TBC1D19: variants seen among roughly 807,000 people sequenced by gnomAD.
The protein encoded by TBC1D19 is TBC1 domain family, member 19.
A neutral mutation model predicts 89.0 loss-of-function variants in TBC1D19; 60 were observed. The ratio of observed to expected loss-of-function variants is 0.67; its 90% confidence interval spans 0.55 to 0.84. The LOEUF is 0.84. Among genes scored for constraint, TBC1D19 ranks in the 40% least tolerant of loss-of-function variants. TBC1D19 has a pLI of 0.00. For synonymous variants in TBC1D19, 189 were observed against 199.7 expected, an observed-to-expected ratio of 0.95 and a Z score of 0.45; for missense variants, 500 against 610.8, an observed-to-expected ratio of 0.82 and a Z score of 1.91.
At chr4:26,692,363 G>A (rs371298160) in intron 13 of TBC1D19, among the ~76,000 whole-genome samples, 17 of 152,250 alleles carry the variant, frequency 1.1e-4, no homozygotes, top group South Asian at 4.1e-4. Flanking sequence ...AAAATACTAG[G>A]GCCTCAACGG....
intron 11 of TBC1D19, among the ~76,000 whole-genome samples, chr4:26,680,437 T>C (rs1350457569): frequency 1.3e-5 from 2 of 152,214 alleles, no homozygotes; most frequent in Admixed American, 6.5e-5. Context: ...CTCAAGTCTT[T>C]TCTATCTTAG....
Position 26,584,136 on chromosome 4 carries a change from C to G in TBC1D19, c.-58C>G. On this transcript the variant is annotated 5_prime_UTR_variant, in exon 1 of 21. Transcript: ENST00000264866. ...ACTGGCCCTGAGTGGGACCCGGTAGCCCGTTCGCTCCGCGCCGGCGGCCTG... is the reference window on the plus strand; with the variant it reads ...ACTGGCCCTGAGTGGGACCCGGTAGGCCGTTCGCTCCGCGCCGGCGGCCTG... The G allele has an allele frequency of 6.4e-7, 1 of 1,552,678 alleles. No homozygotes were observed. The highest frequency in any genetic ancestry group is 1.3e-5 in the African/African-American group (1 of 74,174).
chr4:26,731,321 T>C (rs1198413690), intron 15 of TBC1D19, among the ~76,000 whole-genome samples: 2 of 152,052 alleles, frequency 1.3e-5, no homozygotes, highest in African/African-American at 4.8e-5. Context: ...ACCCAGAGGC[T>C]GAAGGGGTGG....
rs1443346725 is a variant in TBC1D19 at position 26,626,729 on chromosome 4, T to C, written c.294+6041T>C. Among the ~76,000 whole-genome samples, 3 of 152,040 alleles carry C rather than the reference T, an allele frequency of 2.0e-5. No individual in the cohort carries two copies. The East Asian group carries it at 5.8e-4, about 29-fold the overall frequency. On this transcript the variant is annotated intron_variant, in intron 4 of 20. Coordinates refer to ENST00000264866, the MANE Select transcript of TBC1D19 (RefSeq NM_018317.4). ...TTTGTTAATTTTGCATTACTTCAGT[T>C]CTCACCCTCTTCCTAATGGTCTTTT... is the stretch of plus-strand genomic sequence containing the variant.
chr4:26,577,356 G>A (rs906159450), intron 1 of TBC1D19, among the ~76,000 whole-genome samples: 1 of 151,734 alleles, frequency 6.6e-6, no homozygotes, highest in Non-Finnish European at 1.5e-5. Context: ...ACTCCTCTTG[G>A]GAACTTTGAG....
the TBC1D19 span, among the ~76,000 whole-genome samples, chr4:26,827,502 G>C: frequency 2.0e-5 from 3 of 152,146 alleles, no homozygotes; most frequent in African/African-American, 7.2e-5. Flanking sequence ...TACGCAGGAG[G>C]CTGAGGCATG....
At chr4:26,580,229 A>G (rs1739039855), upstream of TBC1D19, among the ~76,000 whole-genome samples, 2 of 152,148 alleles carry the variant, frequency 1.3e-5, 1 homozygote, top group South Asian at 4.1e-4. Flanking sequence ...AAGAGGTATG[A>G]CTGCCATTGT....
chr4:26,755,184 T>C lies in TBC1D19; in HGVS notation c.*237T>C, dbSNP rs1210833793. ...AGCAATAAACACAACTTCTGCTAAA[T>C]TGAGCATTATATATATAATATTATA... is the stretch of plus-strand genomic sequence containing the variant. On this transcript the variant is annotated 3_prime_UTR_variant, in exon 21 of 21. Coordinates refer to ENST00000264866, the MANE Select transcript of TBC1D19 (RefSeq NM_018317.4). 3 of 186,164 alleles carry C rather than the reference T, an allele frequency of 1.6e-5. No individual in the cohort carries two copies. Among genetic ancestry groups the C allele is most frequent in the African/African-American group, 2.4e-5 (1 of 42,114 alleles). The allele number at this position is 186,164 out of a possible 1,614,324, so 11.5% of individuals were successfully genotyped here.
intron 1 of TBC1D19, among the ~76,000 whole-genome samples, chr4:26,612,684 A>G (rs1741455024): frequency 6.6e-6 from 1 of 152,136 alleles, no homozygotes; most frequent in African/African-American, 2.4e-5. Context: ...ACATTTATGA[A>G]CTAGTAGTTT....
At chr4:26,753,968 A>T (rs1385001129) in intron 20 of TBC1D19, 78 bp downstream of exon 20, 1 of 1,505,096 alleles carries the variant, frequency 6.6e-7, no homozygotes, top group South Asian at 1.1e-5. Flanking sequence ...TGTCTGTTGC[A>T]TAGGACACGC....
At chr4:26,734,339 A>G (rs1303691411) in intron 15 of TBC1D19, among the ~76,000 whole-genome samples, 1 of 152,336 alleles carries the variant, frequency 6.6e-6, no homozygotes, top group African/African-American at 2.4e-5. Flanking sequence ...ACATGTCTGA[A>G]TAAAGCATTT....
chr4:26,708,082 A>G (rs1050157940), intron 13 of TBC1D19, among the ~76,000 whole-genome samples: 18 of 152,186 alleles, frequency 1.2e-4, no homozygotes, highest in African/African-American at 4.3e-4. Flanking sequence ...GTGTTTTTTA[A>G]AGATCTTTCT....
At chr4:26,832,626 A>G in the TBC1D19 span, among the ~76,000 whole-genome samples, 4 of 152,206 alleles carry the variant, frequency 2.6e-5, no homozygotes, top group Admixed American at 6.5e-5. Context: ...AAATGACTTC[A>G]GAGGAAAAAG....
intron 7 of TBC1D19, among the ~76,000 whole-genome samples, chr4:26,656,031 T>G (rs2109062303): frequency 6.6e-6 from 1 of 152,066 alleles, no homozygotes; most frequent in East Asian, 1.9e-4. Flanking sequence ...TCCACTAGAT[T>G]CCTAATAGTT....
the TBC1D19 span, among the ~76,000 whole-genome samples, chr4:26,848,761 C>A: frequency 6.6e-6 from 1 of 152,176 alleles, no homozygotes; most frequent in Non-Finnish European, 1.5e-5. Flanking sequence ...CCCATTTCTT[C>A]TCCTGTTTGT....
chr4:26,735,441 CTTT>C lies in TBC1D19; in HGVS notation c.1085-5_1085-3del. ...CCTACTACTTATTGAAAAGAAATAC[CTTT>C]TTTTTTTTAGGTGTTATCCCTTTTC... On this transcript the variant is annotated splice_polypyrimidine_tract_variant and intron_variant, in intron 15 of 20. Transcript: ENST00000264866. 1 of 1,157,032 alleles carries C rather than the reference CTTT, an allele frequency of 8.6e-7. No homozygotes were observed. Among genetic ancestry groups the C allele is most frequent in the Admixed American group, 2.6e-5 (1 of 38,022 alleles). The allele number at this position is 1,157,032 out of a possible 1,614,324, so 71.7% of individuals were successfully genotyped here.
chr4:26,650,285 C>T (rs1744272373), intron 7 of TBC1D19, among the ~76,000 whole-genome samples: 1 of 152,108 alleles, frequency 6.6e-6, no homozygotes, highest in African/African-American at 2.4e-5. Flanking sequence ...GAGGAATCGC[C>T]ACACTGACTT....
At chr4:26,844,362 A>G in the TBC1D19 span, among the ~76,000 whole-genome samples, 7 of 152,224 alleles carry the variant, frequency 4.6e-5, no homozygotes, top group Admixed American at 4.6e-4. Flanking sequence ...TAGATCGTCA[A>G]ATAAAATAGC....
At position 26,720,125 on chromosome 4, in the gene TBC1D19, G is replaced by A. The variant is rs763431703; in HGVS notation, c.1084G>A (p.Gly362Ser). The change falls in exon 15 of 21, where the codon GGT becomes AGT. Residue 362 changes from glycine to serine, a missense_variant and splice_region_variant. This residue lies in a region of TBC1D19 where 220 missense variants were observed against 319.1 expected (regional missense o/e 0.69). Transcript: ENST00000264866. ...EEYAVFYPPN[G>S]VIPFHGFSMY... is the part of the protein sequence containing the mutation. ...ATATGCTGTCTTTTACCCACCAAAT[G>A]GTAAGAGTAATGCTATTGCTTCCTC... 6 of 1,597,046 alleles carry A rather than the reference G, an allele frequency of 3.8e-6. No homozygotes were observed. The highest frequency in any genetic ancestry group is 3.4e-5 in the South Asian group (3 of 88,086).
Sources: allele counts gnomAD v4.1 joint callset (sites outside exome capture counted in the v4.1 genomes callset), GRCh38; gene constraint gnomAD v4.1.1; regional missense constraint gnomAD v4.1.1; transcripts MANE v1.5; gene names NCBI Gene and HGNC (gene_info 2026-07-23, HGNC 2026-07-21).